The following DAAM1 variants were observed in gnomAD, a reference collection of about 807,000 sequenced individuals.
DAAM1 encodes the protein dishevelled associated activator of morphogenesis 1.
A neutral mutation model predicts 130.0 loss-of-function variants in DAAM1; 52 were observed. The ratio of observed to expected loss-of-function variants is 0.40; its 90% CI spans 0.32 to 0.50. The LOEUF (loss-of-function observed/expected upper bound fraction) is 0.50, where lower values mean the gene tolerates loss of function less well. Ranked by LOEUF, DAAM1 falls within the 20% of genes least tolerant of loss-of-function variation. DAAM1 has a pLI of 0.61. For missense variants in DAAM1, 1,134 were observed against 1,303.8 expected, an observed-to-expected ratio of 0.87 and a Z score of 2.01; for synonymous variants, 452 against 444.5, an observed-to-expected ratio of 1.02 and a Z score of -0.21.
intron 5 of DAAM1, 57 bp downstream of exon 5, chr14:59,320,641 G>A: frequency 7.7e-7 from 1 of 1,303,666 alleles, no homozygotes; most frequent in Non-Finnish European, 1.0e-6. Context: ...TCCTTTTTTT[G>A]CAATAGTCAA....
rs35354608 is a variant in DAAM1, at chr14:59,280,535, CT to C, written c.184-10659del. Among the ~76,000 whole-genome samples, 715 of 90,664 alleles carry C rather than the reference CT, an allele frequency of 7.9e-3. 4 individuals carry two copies. Among genetic ancestry groups the C allele is most frequent in the African/African-American group, 0.024 (570 of 23,682 alleles). 59.5% of individuals were successfully genotyped at this position (90,664 alleles called of 152,430 possible). ...TCTTCTCTACTTTCTGCACACCTTC[CT>C]TTTTTTTTTTTTTTTTTTTTTTCAT... On this transcript the variant is annotated intron_variant, in intron 2 of 24. Coordinates refer to ENST00000360909, the MANE Select transcript of DAAM1 (RefSeq NM_001270520.2).
At chr14:59,235,071 C>T (rs983271349) in intron 1 of DAAM1, among the ~76,000 whole-genome samples, 1 of 151,810 alleles carries the variant, frequency 6.6e-6, no homozygotes, top group Non-Finnish European at 1.5e-5. Context: ...ATTTTTGTCT[C>T]GATGTTCATC....
At chr14:59,218,294 C>CT (rs1170943395) in intron 1 of DAAM1, among the ~76,000 whole-genome samples, 2 of 152,126 alleles carry the variant, frequency 1.3e-5, no homozygotes, top group Non-Finnish European at 2.9e-5. Context: ...TGACTGTAAA[C>CT]TTTTTTCTGC....
intron 1 of DAAM1, among the ~76,000 whole-genome samples, chr14:59,197,795 G>A (rs538217696): frequency 1.3e-5 from 2 of 151,862 alleles, no homozygotes; most frequent in South Asian, 4.2e-4. Flanking sequence ...TGCTCCTTTG[G>A]CTTCTCTGTG....
chr14:59,214,257 TAC>T (rs1341429637), intron 1 of DAAM1, among the ~76,000 whole-genome samples: 1 of 152,244 alleles, frequency 6.6e-6, no homozygotes, highest in East Asian at 1.9e-4. Context: ...CTTTCTTGTA[TAC>T]GTTGGTTTAA....
intron 1 of DAAM1, among the ~76,000 whole-genome samples, chr14:59,197,136 G>T (rs1426591774): frequency 6.6e-6 from 1 of 152,200 alleles, no homozygotes; most frequent in Non-Finnish European, 1.5e-5. Context: ...TAGCCTGGAT[G>T]GTCTCGATCT....
Position 59,371,085 on chromosome 14 carries a change from A to ATTG in DAAM1, c.*2230_*2232dup, listed in dbSNP as rs1168454465. The ATTG allele has an allele frequency of 4.1e-5, 5 of 120,988 alleles. No individual in the cohort carries two copies. Among genetic ancestry groups the ATTG allele is most frequent in the African/African-American group, 6.7e-5 (2 of 29,690 alleles). The allele number at this position is 120,988 out of a possible 1,614,324, so 7.5% of individuals were successfully genotyped here. A position where few individuals can be genotyped will look rare whatever the true frequency, so the allele number is the denominator to read the frequency against. On this transcript the variant is annotated 3_prime_UTR_variant, in exon 25 of 25. Coordinates refer to ENST00000360909, the MANE Select transcript of DAAM1 (RefSeq NM_001270520.2). The stretch of plus-strand genomic sequence containing the variant: ...CTGTGTGCAGGTAATTCCATGTGCC[A>ATTG]TTGTTGAAAAGAAAAAAAAAAAACA...
rs2139661581 is a variant in DAAM1 at position 59,347,626 on chromosome 14, G to A, written c.2160+3G>A. ...TGCCCAAGGACATGTTGGAACAGGT[G>A]AGCTACCAGATGTATCTGAGAGCAG... On this transcript the variant is annotated splice_donor_region_variant and intron_variant, in intron 17 of 24. Transcript: ENST00000360909. 2.5e-6 allele frequency: 4 copies of A among 1,613,490 alleles called. No individual in the cohort carries two copies. Among genetic ancestry groups the A allele is most frequent in the Non-Finnish European group, 3.4e-6 (4 of 1,179,612 alleles).
intron 1 of DAAM1, among the ~76,000 whole-genome samples, chr14:59,259,447 C>T (rs1461282591): frequency 2.6e-5 from 4 of 152,178 alleles, no homozygotes; most frequent in Non-Finnish European, 4.4e-5. Flanking sequence ...TTTTAGCTTA[C>T]TTAATTTTCT....
intron 1 of DAAM1, among the ~76,000 whole-genome samples, chr14:59,234,610 C>T (rs1889230553): frequency 6.6e-6 from 1 of 152,092 alleles, no homozygotes; most frequent in African/African-American, 2.4e-5. Flanking sequence ...TATTTGAATA[C>T]CCTTTATTTC....
intron 2 of DAAM1, among the ~76,000 whole-genome samples, chr14:59,277,662 T>C (rs951037263): frequency 2.0e-5 from 3 of 152,122 alleles, no homozygotes; most frequent in Non-Finnish European, 4.4e-5. Context: ...ATCTCTTGCT[T>C]AATCATTTTC....
chr14:59,359,202 A>G, intron 20 of DAAM1, 195 bp from the exon 21 acceptor site: 2 of 490,144 alleles, frequency 4.1e-6, no homozygotes. Flanking sequence ...AGGCTCTCCC[A>G]TTATTCCTGT....
chr14:59,212,959 C>T (rs888550410), intron 1 of DAAM1, among the ~76,000 whole-genome samples: 2 of 152,084 alleles, frequency 1.3e-5, no homozygotes, highest in African/African-American at 4.8e-5. Flanking sequence ...GAAAAATAGG[C>T]ATGTGTATAT....
At chr14:59,346,571 A>G (rs1393561694) in intron 16 of DAAM1, among the ~76,000 whole-genome samples, 1 of 152,168 alleles carries the variant, frequency 6.6e-6, no homozygotes, top group Non-Finnish European at 1.5e-5. Context: ...ATTCAAGACC[A>G]ACCTGGGCAG....
intron 15 of DAAM1, among the ~76,000 whole-genome samples, chr14:59,339,374 G>A (rs17255645): frequency 0.021 from 3,141 of 152,264 alleles, 67 homozygotes; most frequent in Non-Finnish European, 0.027. Context: ...CTGATGCTCA[G>A]TTCACTCTAA....
rs981215379 is a variant in DAAM1 at position 59,370,213 on chromosome 14, C to G, written c.*1354C>G. On this transcript the variant is annotated 3_prime_UTR_variant, in exon 25 of 25. Transcript: ENST00000360909. ...TTGTAGTTGGGGGCTAACGTTTTCT[C>G]TTTTCTTTCTATTGATCCTGTTGTG... The G allele has an allele frequency of 2.5e-5, 2 of 80,086 alleles. No homozygotes were observed. The highest frequency in any genetic ancestry group is 5.5e-5 in the Non-Finnish European group (2 of 36,598). The allele number at this position is 80,086 out of a possible 1,614,324, so 5.0% of individuals were successfully genotyped here.
intron 20 of DAAM1, among the ~76,000 whole-genome samples, chr14:59,358,988 C>A (rs1034729522): frequency 6.6e-6 from 1 of 152,178 alleles, no homozygotes; most frequent in African/African-American, 2.4e-5. Flanking sequence ...AGTTATAAAC[C>A]TGCAGGGCAC....
chr14:59,294,533 C>T (rs1289196974), intron 3 of DAAM1, among the ~76,000 whole-genome samples: 5 of 150,802 alleles, frequency 3.3e-5, no homozygotes, highest in African/African-American at 1.2e-4. Flanking sequence ...GTTGGTCATC[C>T]TTGCTTTGTC....
At chr14:59,296,069 C>A (rs931854539) in intron 3 of DAAM1, among the ~76,000 whole-genome samples, 1 of 152,222 alleles carries the variant, frequency 6.6e-6, no homozygotes, top group African/African-American at 2.4e-5. Context: ...TGGGTTCAAA[C>A]TGGCATTTCT....
Sources: gnomAD v4.1 joint callset for allele counts (sites outside exome capture counted in the v4.1 genomes callset) on GRCh38, gnomAD v4.1.1 for gene constraint, MANE v1.5 for transcripts, NCBI Gene and HGNC (gene_info 2026-07-23, HGNC 2026-07-21) for gene names.